The following SHANK2 variants were observed in gnomAD, a reference collection of about 807,000 sequenced individuals.
The protein encoded by SHANK2 is SH3 and multiple ankyrin repeat domains protein 2.
SHANK2 carries 43 observed loss-of-function variants against 133.7 expected under a neutral mutation model. The ratio of observed to expected loss-of-function variants is 0.32; its 90% confidence interval spans 0.25 to 0.41. SHANK2 has a LOEUF of 0.41. Ranked by LOEUF, SHANK2 falls within the 10% of genes least tolerant of loss-of-function variation. The pLI is 1.00. For missense variants in SHANK2, 1,994 were observed against 2,235.8 expected (o/e 0.89, Z 2.18); for synonymous variants, 1,017 against 952.8 (o/e 1.07, Z -1.24).
At chr11:70,775,021 G>A (rs1447641824) in intron 14 of SHANK2, among the ~76,000 whole-genome samples, 2 of 152,144 alleles carry the variant, frequency 1.3e-5, no homozygotes, top group East Asian at 1.9e-4. Context: ...TAGGCTGGGT[G>A]TGGTGATGCA....
chr11:71,062,996 CAAAAAAA>C (rs1169050698), intron 9 of SHANK2, among the ~76,000 whole-genome samples: 1 of 69,746 alleles, frequency 1.4e-5, no homozygotes, highest in African/African-American at 5.5e-5. Flanking sequence ...GACCCTGTCT[CAAAAAAA>C]AAAAAAAAAA....
chr11:71,172,971 C>T (rs1953349415), intron 2 of SHANK2, among the ~76,000 whole-genome samples: 1 of 152,222 alleles, frequency 6.6e-6, no homozygotes, highest in Admixed American at 6.5e-5. Context: ...AGTGCTCTGG[C>T]CTCCGGGGCC....
chr11:71,092,652 G>A (rs1951539327), intron 7 of SHANK2, 63 bp from the exon 8 acceptor site: 1 of 1,502,392 alleles, frequency 6.7e-7, no homozygotes, highest in African/African-American at 1.4e-5. Context: ...AGAGTGAGGT[G>A]ATCCAGAAAG....
intron 17 of SHANK2, among the ~76,000 whole-genome samples, chr11:70,556,389 TTCTTTCTCTCTCTCTC>T (rs1258907047): frequency 2.2e-5 from 3 of 136,164 alleles, no homozygotes; most frequent in African/African-American, 5.7e-5. Flanking sequence ...GTCTCTTTCT[TTCTTTCTCTCTCTCTC>T]TCTCTCTCTC....
intron 6 of SHANK2, among the ~76,000 whole-genome samples, chr11:71,103,888 C>T (rs1951763156): frequency 1.5e-5 from 2 of 129,094 alleles, no homozygotes; most frequent in South Asian, 6.2e-4. Flanking sequence ...CTTTCTCTCT[C>T]TCTCTCCTGC....
At chr11:70,765,205 C>T (rs1555041092) in intron 14 of SHANK2, among the ~76,000 whole-genome samples, 1 of 152,204 alleles carries the variant, frequency 6.6e-6, no homozygotes, top group East Asian at 1.9e-4. Flanking sequence ...ACCCAAGTGG[C>T]ATGGCTGGCC....
chr11:70,773,132 T>C (rs1555043231), intron 14 of SHANK2, among the ~76,000 whole-genome samples: 1 of 152,110 alleles, frequency 6.6e-6, no homozygotes, highest in African/African-American at 2.4e-5. Flanking sequence ...CTTCTAGAAC[T>C]TGTAGGAGGA....
intron 11 of SHANK2, among the ~76,000 whole-genome samples, chr11:70,850,361 A>G (rs1555065096): frequency 6.6e-6 from 1 of 152,196 alleles, no homozygotes; most frequent in Non-Finnish European, 1.5e-5. Flanking sequence ...AGGCCAGAGA[A>G]GCAGTGGTTT....
At chr11:70,851,619 C>T (rs1555065483) in intron 11 of SHANK2, among the ~76,000 whole-genome samples, 1 of 152,224 alleles carries the variant, frequency 6.6e-6, no homozygotes, top group East Asian at 1.9e-4. Context: ...GCGTCTCAGA[C>T]ACCACAGAAC....
chr11:70,943,080 C>A (rs782442584), intron 10 of SHANK2: 5 of 456,776 alleles, frequency 1.1e-5, no homozygotes, highest in Non-Finnish European at 2.2e-5. Context: ...GGAAGCACTT[C>A]GGCTCTGAGG....
In SHANK2 at chr11:70,471,360, C is replaced by T; in HGVS notation, c.*1509G>A. The T allele has an allele frequency of 2.5e-6, 1 of 398,964 alleles. No individual in the cohort carries two copies. Among genetic ancestry groups the T allele is most frequent in the Admixed American group, 4.4e-5 (1 of 22,734 alleles). The allele number at this position is 398,964 out of a possible 1,614,324, so 24.7% of individuals were successfully genotyped here. On this transcript the variant is annotated 3_prime_UTR_variant, in exon 26 of 26. Transcript: ENST00000601538. The surrounding 1 kb of genome is among the most constrained non-coding windows in gnomAD (Gnocchi z 4.1). ...CAAAAACCTGACATTCGAGTATCCT[C>T]CAAATGGGGGAGAATGTGCTGGAAG...
chr11:71,075,239 G>A lies in SHANK2; in HGVS notation c.949C>T (p.Leu317=). ...CTCATGTCTGCCCCGTAGAACAGCA[G>A]GTGCTCCAGGTGCTGCACGTGCCCG... ...RYGHVQHLEH[L]LFYGADMSAQ... is the part of the protein sequence containing the mutation. The change falls in exon 9 of 26, where the codon CTG becomes TTG. Residue 317 remains leucine (L), a synonymous_variant. Coordinates refer to ENST00000601538, the MANE Select transcript of SHANK2 (RefSeq NM_012309.5). 1 of 247,212 alleles carries A rather than the reference G, an allele frequency of 4.0e-6. No homozygotes were observed. The highest frequency in any genetic ancestry group is 8.5e-6 in the Non-Finnish European group (1 of 118,202). The allele number at this position is 247,212 out of a possible 1,614,324, so 15.3% of individuals were successfully genotyped here. A position where few individuals can be genotyped will look rare whatever the true frequency, so the allele number is the denominator to read the frequency against.
At chr11:70,503,788 C>T (rs1220461054) in intron 17 of SHANK2, among the ~76,000 whole-genome samples, 2 of 152,232 alleles carry the variant, frequency 1.3e-5, no homozygotes, top group African/African-American at 2.4e-5. Context: ...AGCAGATGGC[C>T]TTGGCCTCTG....
intron 11 of SHANK2, among the ~76,000 whole-genome samples, chr11:70,853,634 G>A (rs1444901456): frequency 6.6e-6 from 1 of 152,196 alleles, no homozygotes; most frequent in Non-Finnish European, 1.5e-5. Context: ...AGTAACGGGA[G>A]GGAGACAGAG....
rs1333888909 is a variant in SHANK2 at position 70,470,594 on chromosome 11, A to G, written c.*2275T>C. ...TGGAAGACAAATTAATGGCCAAACCACCATTTTTACATTTTCTAAAATATG... is the reference window on the plus strand; with the variant it reads ...TGGAAGACAAATTAATGGCCAAACCGCCATTTTTACATTTTCTAAAATATG... On this transcript the variant is annotated 3_prime_UTR_variant, in exon 26 of 26. Transcript: ENST00000601538. 3 of 152,568 alleles carry G rather than the reference A, an allele frequency of 2.0e-5. No individual in the cohort carries two copies. The highest frequency in any genetic ancestry group is 7.2e-5 in the African/African-American group (3 of 41,436). 9.5% of individuals were successfully genotyped at this position (152,568 alleles called of 1,614,324 possible). A position where few individuals can be genotyped will look rare whatever the true frequency, so the allele number is the denominator to read the frequency against.
Position 70,856,323 on chromosome 11 carries a change from T to C in SHANK2, c.1175-35641A>G, listed in dbSNP as rs370496757. On this transcript the variant is annotated intron_variant, in intron 11 of 25. Coordinates refer to ENST00000601538, the MANE Select transcript of SHANK2 (RefSeq NM_012309.5). Reference sequence around the variant, plus strand: ...ATGGATGGGTGACTGGATGGGCAGATGGGTGGTTAGGTGGGCGCATAGATG... The same window carrying C: ...ATGGATGGGTGACTGGATGGGCAGACGGGTGGTTAGGTGGGCGCATAGATG... 1.3e-4 allele frequency among the ~76,000 whole-genome samples: 19 copies of C among 151,950 alleles called. No individual in the cohort carries two copies. In the South Asian group the frequency reaches 3.9e-3, roughly 32 times the overall value.
chr11:70,663,261 G>A (rs782311231), intron 15 of SHANK2, among the ~76,000 whole-genome samples: 5 of 152,178 alleles, frequency 3.3e-5, no homozygotes, highest in South Asian at 2.1e-4. Flanking sequence ...CCAGGTTCAC[G>A]GTCTACAGGA....
intron 3 of SHANK2, among the ~76,000 whole-genome samples, chr11:71,126,909 G>A (rs571383071): frequency 8.6e-5 from 13 of 152,044 alleles, no homozygotes; most frequent in African/African-American, 1.2e-4. Context: ...GGGTTTCACC[G>A]TTAGCCAGGA....
At chr11:70,583,769 G>A (rs2060213622) in intron 17 of SHANK2, among the ~76,000 whole-genome samples, 1 of 152,162 alleles carries the variant, frequency 6.6e-6, no homozygotes, top group African/African-American at 2.4e-5. Flanking sequence ...TCCACCCAGT[G>A]GCCAGAACGA....
Sources: allele counts gnomAD v4.1 joint callset (sites outside exome capture counted in the v4.1 genomes callset), GRCh38; gene constraint gnomAD v4.1.1; non-coding constraint Gnocchi (gnomAD v3.1); transcripts MANE v1.5; gene names NCBI Gene and HGNC (gene_info 2026-07-23, HGNC 2026-07-21).